Variants in TSPAN15 observed in about 807,000 individuals in gnomAD.
The protein encoded by TSPAN15 is tetraspanin 15, also known as tetraspanin-15.
TSPAN15 carries 20 observed loss-of-function variants against 34.5 expected under a neutral mutation model. The ratio of observed to expected loss-of-function variants is 0.58; its 90% CI spans 0.41 to 0.84. TSPAN15 has a LOEUF of 0.84. TSPAN15 is among the 40% of genes least tolerant of loss of function. TSPAN15 has a pLI of 0.00. For missense variants in TSPAN15, 313 were observed against 386.1 expected (o/e 0.81, Z 1.59); for synonymous variants, 155 against 153.9 (o/e 1.01, Z -0.05).
At chr10:69,491,218 G>A (rs1841962090) in intron 3 of TSPAN15, among the ~76,000 whole-genome samples, 1 of 152,128 alleles carries the variant, frequency 6.6e-6, no homozygotes, top group Admixed American at 6.5e-5. Context: ...TGTCACATTG[G>A]GCTTCTATTG....
chr10:69,543,844 A>AGTATGTGTGTGTGTGT, the TSPAN15 span, among the ~76,000 whole-genome samples: 72 of 73,810 alleles, frequency 9.8e-4, 1 homozygote, highest in African/African-American at 4.0e-3. Context: ...GAAGAAGGGG[A>AGTATGTGTGTGTGTGT]GTGTGTGTGT....
the TSPAN15 span, chr10:69,523,382 C>A: frequency 1.7e-6 from 1 of 581,556 alleles, no homozygotes. Context: ...ATGCTGGGGT[C>A]TCCACCCCAA....
chr10:69,488,737 G>C (rs567096956), intron 3 of TSPAN15, among the ~76,000 whole-genome samples: 1 of 152,104 alleles, frequency 6.6e-6, no homozygotes, highest in African/African-American at 2.4e-5. Flanking sequence ...ACAGGGAGTA[G>C]GTCACAAAGA....
intron 4 of TSPAN15, among the ~76,000 whole-genome samples, 198 bp from the exon 5 acceptor site, chr10:69,498,082 C>G (rs537117200): frequency 6.6e-6 from 1 of 152,292 alleles, no homozygotes; most frequent in Non-Finnish European, 1.5e-5. Context: ...CCATACCTCT[C>G]TAGTGACAGG....
chr10:69,519,609 G>A, the TSPAN15 span, among the ~76,000 whole-genome samples: 1 of 152,158 alleles, frequency 6.6e-6, no homozygotes, highest in East Asian at 1.9e-4. Context: ...ATGTTCAAAT[G>A]TAAATATTTG....
At chr10:69,529,387 G>A in the TSPAN15 span, among the ~76,000 whole-genome samples, 6 of 146,984 alleles carry the variant, frequency 4.1e-5, 1 homozygote, top group East Asian at 2.5e-4. Flanking sequence ...CATCAATTGC[G>A]CAGTACATTT....
At chr10:69,498,464 C>T in intron 5 of TSPAN15, 68 bp downstream of exon 5, 1 of 1,317,346 alleles carries the variant, frequency 7.6e-7, no homozygotes, top group South Asian at 1.2e-5. Context: ...GTTCTCTTTT[C>T]TCTCTTCCCA....
chr10:69,453,658 G>GAGCAAAATC (rs1415125289), intron 1 of TSPAN15, among the ~76,000 whole-genome samples: 1 of 152,260 alleles, frequency 6.6e-6, no homozygotes, highest in Non-Finnish European at 1.5e-5. Flanking sequence ...TATGGGGAAA[G>GAGCAAAATC]AGTGACATAT....
chr10:69,543,684 G>T, the TSPAN15 span, among the ~76,000 whole-genome samples: 1 of 152,134 alleles, frequency 6.6e-6, no homozygotes, highest in Non-Finnish European at 1.5e-5. Flanking sequence ...GCTGAATGGG[G>T]GCTTGGCTCC....
At chr10:69,542,436 A>G in the TSPAN15 span, among the ~76,000 whole-genome samples, 3 of 152,192 alleles carry the variant, frequency 2.0e-5, no homozygotes, top group Non-Finnish European at 4.4e-5. Context: ...GGGTATATTT[A>G]TACTAGTATG....
rs1589658287 is a variant in TSPAN15, at chr10:69,507,642, TA to T, written c.*669del. ...CCCAACCAGTTTGTTAATCAAACAA[TA>T]AAAACATGTTTTTTTTTTTTTTTTT... On this transcript the variant is annotated 3_prime_UTR_variant, in exon 8 of 8. Coordinates refer to ENST00000373290, the MANE Select transcript of TSPAN15 (RefSeq NM_012339.5). The T allele has an allele frequency of 3.6e-6, 4 of 1,119,208 alleles. No individual in the cohort carries two copies. Among genetic ancestry groups the T allele is most frequent in the Non-Finnish European group, 2.3e-6 (2 of 856,572 alleles). 69.3% of individuals were successfully genotyped at this position (1,119,208 alleles called of 1,614,324 possible). A position where few individuals can be genotyped will look rare whatever the true frequency, so the allele number is the denominator to read the frequency against.
intron 2 of TSPAN15, among the ~76,000 whole-genome samples, chr10:69,484,264 C>T (rs907956526): frequency 6.6e-6 from 1 of 152,176 alleles, no homozygotes; most frequent in African/African-American, 2.4e-5. Context: ...GGGCAATCTC[C>T]CCAGCCCCTG....
the TSPAN15 span, among the ~76,000 whole-genome samples, chr10:69,530,800 CTCTCTCTCTCTCTCTCTCTCTATATA>C: frequency 1.6e-5 from 1 of 64,296 alleles, no homozygotes; most frequent in African/African-American, 6.0e-5. Context: ...CTCTCTCTCT[CTCTCTCTCTCTCTCTCTCTCTATATA>C]TATATATATA....
At chr10:69,544,568 G>A in the TSPAN15 span, among the ~76,000 whole-genome samples, 1 of 152,232 alleles carries the variant, frequency 6.6e-6, no homozygotes, top group African/African-American at 2.4e-5. Context: ...CAGGGTAGTG[G>A]GTGTGGCGGC....
At chr10:69,489,548 GTCCC>G (rs1489399533) in intron 3 of TSPAN15, among the ~76,000 whole-genome samples, 1 of 152,196 alleles carries the variant, frequency 6.6e-6, no homozygotes, top group Non-Finnish European at 1.5e-5. Context: ...GCTGCAGCTG[GTCCC>G]TCCATTTGGG....
intron 1 of TSPAN15, among the ~76,000 whole-genome samples, chr10:69,456,492 C>T (rs573315483): frequency 2.9e-4 from 44 of 152,122 alleles, no homozygotes; most frequent in South Asian, 4.1e-4. Flanking sequence ...TGAATATGCA[C>T]GCCTTTAAAT....
chr10:69,461,925 AC>A (rs939832004), intron 1 of TSPAN15, among the ~76,000 whole-genome samples: 3 of 74,748 alleles, frequency 4.0e-5, no homozygotes, highest in Non-Finnish European at 5.4e-5. Flanking sequence ...CCCCGCCACC[AC>A]CCCCCCCATC....
chr10:69,547,519 A>G, the TSPAN15 span, among the ~76,000 whole-genome samples: 4 of 152,326 alleles, frequency 2.6e-5, no homozygotes, highest in African/African-American at 9.6e-5. Flanking sequence ...ACTCTCATAA[A>G]TAGAAAGTCT....
the TSPAN15 span, among the ~76,000 whole-genome samples, chr10:69,520,397 C>T: frequency 2.0e-5 from 3 of 152,212 alleles, no homozygotes; most frequent in Non-Finnish European, 2.9e-5. Flanking sequence ...GTTGGTGGCT[C>T]ACACCTGTAA....
Sources: gnomAD v4.1 joint callset for allele counts (sites outside exome capture counted in the v4.1 genomes callset) on GRCh38, gnomAD v4.1.1 for gene constraint, MANE v1.5 for transcripts, NCBI Gene and HGNC (gene_info 2026-07-23, HGNC 2026-07-21) for gene names.